The following NEK7 variants were observed in gnomAD, a reference collection of about 807,000 sequenced individuals.
NEK7 encodes the protein serine/threonine-protein kinase Nek7.
Under a neutral mutation model 44.6 loss-of-function variants are expected in NEK7, and 18 were observed. That is an observed-to-expected ratio of 0.40 (90% CI 0.28 to 0.60). NEK7 has a LOEUF of 0.60. NEK7 is among the 20% of genes least tolerant of loss of function. The pLI is 0.38. For synonymous variants in NEK7, 130 were observed against 121.1 expected (o/e 1.07, Z -0.48); for missense variants, 256 against 366.5 (o/e 0.70, Z 2.46).
intron 1 of NEK7, among the ~76,000 whole-genome samples, chr1:198,189,109 A>G (rs571624166): frequency 7.4e-4 from 112 of 152,218 alleles, no homozygotes; most frequent in Non-Finnish European, 1.2e-3. Flanking sequence ...TAGGAAATAC[A>G]TTGGTGTTAA....
At chr1:198,211,828 G>A (rs185413669) in intron 1 of NEK7, among the ~76,000 whole-genome samples, 7 of 152,208 alleles carry the variant, frequency 4.6e-5, no homozygotes, top group Admixed American at 2.6e-4. Context: ...AAGCAACACC[G>A]GAACTTAACA....
intron 1 of NEK7, among the ~76,000 whole-genome samples, chr1:198,231,609 TAAAG>T (rs1219161291): frequency 1.3e-5 from 2 of 151,798 alleles, no homozygotes; most frequent in African/African-American, 2.4e-5. Flanking sequence ...GCATTAATCA[TAAAG>T]AAAAAGTTTA....
At chr1:198,312,634 T>C (rs1405775835) in intron 9 of NEK7, among the ~76,000 whole-genome samples, 3 of 151,866 alleles carry the variant, frequency 2.0e-5, no homozygotes. Flanking sequence ...TTCTTGTATG[T>C]TGTGTCTTTG....
chr1:198,301,516 T>C (rs1257221270), intron 9 of NEK7, among the ~76,000 whole-genome samples: 3 of 152,178 alleles, frequency 2.0e-5, no homozygotes, highest in East Asian at 3.9e-4. Flanking sequence ...CGCCACTGCG[T>C]TCCAGCCTGG....
intron 8 of NEK7, among the ~76,000 whole-genome samples, chr1:198,293,791 T>A (rs982933689): frequency 3.3e-5 from 5 of 151,916 alleles, no homozygotes; most frequent in Non-Finnish European, 5.9e-5. Context: ...TAATTAAAAA[T>A]TAGTCTATAT....
rs536565650 is a variant in NEK7, at chr1:198,287,185, G to A, written c.590-5760G>A. ...CATAATTAGGTGAAATTGTTTAAAAGCTAGAGAGGTTCTAGGCTGGGTGCG... is the reference window on the plus strand; with the variant it reads ...CATAATTAGGTGAAATTGTTTAAAAACTAGAGAGGTTCTAGGCTGGGTGCG... On this transcript the variant is annotated intron_variant, in intron 7 of 9. Coordinates refer to ENST00000367385, the MANE Select transcript of NEK7 (RefSeq NM_133494.3). 1.2e-4 allele frequency among the ~76,000 whole-genome samples: 18 copies of A among 152,226 alleles called. No individual in the cohort carries two copies. The East Asian group carries it at 3.1e-3, about 26-fold the overall frequency.
In NEK7 at chr1:198,247,715, T is replaced by G. The variant is rs1195278075; in HGVS notation, c.58-5325T>G. 1.1e-4 allele frequency among the ~76,000 whole-genome samples: 16 copies of G among 151,208 alleles called. 1 individual carries two copies. Among genetic ancestry groups the G allele is most frequent in the Admixed American group, 1.1e-3 (16 of 15,178 alleles). On this transcript the variant is annotated intron_variant, in intron 2 of 9. Coordinates refer to ENST00000367385, the MANE Select transcript of NEK7 (RefSeq NM_133494.3). ...CAATGTACAATAACAAATTATTGCT[T>G]CTTTTTTTTTTAAGAGAAAACATTG... is the stretch of plus-strand genomic sequence containing the variant.
chr1:198,201,585 G>C, intron 1 of NEK7, among the ~76,000 whole-genome samples: 1 of 152,182 alleles, frequency 6.6e-6, no homozygotes, highest in East Asian at 1.9e-4. Flanking sequence ...GCAAACTAAA[G>C]TGATTCAGTT....
chr1:198,297,333 T>C, intron 9 of NEK7, 93 bp downstream of exon 9: 1 of 1,492,612 alleles, frequency 6.7e-7, no homozygotes, highest in Non-Finnish European at 9.2e-7. Context: ...AAAATGAAAA[T>C]GAATGGTATA....
intron 2 of NEK7, among the ~76,000 whole-genome samples, chr1:198,235,877 G>A (rs954742677): frequency 9.9e-5 from 15 of 152,106 alleles, no homozygotes; most frequent in African/African-American, 3.4e-4. Context: ...ACTCAGATCT[G>A]TGGGTAGAAA....
rs1491504055 is a variant in NEK7 at position 198,209,072 on chromosome 1, C to CACAT, written c.-28-23481_-28-23480insACAT. ...ATATATATATATACACACACACATA[C>CACAT]GCACATATGTATATATACACACATA... is the stretch of plus-strand genomic sequence containing the variant. On this transcript the variant is annotated intron_variant, in intron 1 of 9. Transcript: ENST00000367385. 2.2e-3 allele frequency among the ~76,000 whole-genome samples: 212 copies of CACAT among 96,154 alleles called. 2 individuals carry two copies. Among genetic ancestry groups the CACAT allele is most frequent in the African/African-American group, 0.01 (195 of 19,220 alleles). The allele number at this position is 96,154 out of a possible 152,430, so 63.1% of individuals were successfully genotyped here.
At chr1:198,233,616 A>T (rs753551504) in intron 2 of NEK7, among the ~76,000 whole-genome samples, 2 of 152,108 alleles carry the variant, frequency 1.3e-5, no homozygotes, top group Non-Finnish European at 2.9e-5. Flanking sequence ...GGTTTGAGAG[A>T]CTTGGGGAAA....
chr1:198,313,344 A>G, intron 9 of NEK7, among the ~76,000 whole-genome samples: 1 of 150,862 alleles, frequency 6.6e-6, no homozygotes, highest in Admixed American at 6.6e-5. Flanking sequence ...TCTGCATGTG[A>G]GATGGGTTTC....
intron 8 of NEK7, among the ~76,000 whole-genome samples, chr1:198,293,858 C>T (rs1654631468): frequency 6.6e-6 from 1 of 151,678 alleles, no homozygotes; most frequent in Admixed American, 6.6e-5. Flanking sequence ...TTTCATATCC[C>T]TGTGTAGGAA....
Position 198,293,015 on chromosome 1 carries a change from G to T in NEK7, c.660G>T (p.Trp220Cys). Residue 220 changes from tryptophan (W) to cysteine (C), a missense_variant, in exon 8 of 10, where the codon TGG (tryptophan) becomes TGT (cysteine). Around this residue, in one of 3 missense-constraint regions of NEK7, gnomAD observed 102 missense variants for 205.2 expected, o/e 0.50. Transcript: ENST00000367385. ...GATACAACTTCAAATCTGACATCTG[G>T]TCTCTTGGCTGTCTACTATATGAGG... The part of the protein sequence containing the change: ...ENGYNFKSDI[W>C]SLGCLLYEMA... The T allele has an allele frequency of 6.3e-7, 1 of 1,585,350 alleles. No individual in the cohort carries two copies. The highest frequency in any genetic ancestry group is 8.7e-7 in the Non-Finnish European group (1 of 1,154,362).
chr1:198,164,716 A>T (rs1260044427), intron 1 of NEK7, among the ~76,000 whole-genome samples: 1 of 152,212 alleles, frequency 6.6e-6, no homozygotes. Context: ...CTCAATGTTG[A>T]TGGCTGCTAA....
chr1:198,230,864 A>G (rs1383285225), intron 1 of NEK7, among the ~76,000 whole-genome samples: 1 of 152,032 alleles, frequency 6.6e-6, no homozygotes, highest in Non-Finnish European at 1.5e-5. Context: ...ATCTGAAAAA[A>G]GATGTGAAAG....
chr1:198,249,046 C>T lies in NEK7; in HGVS notation c.58-3994C>T, dbSNP rs371936674. 2.4e-4 allele frequency among the ~76,000 whole-genome samples: 28 copies of T among 116,798 alleles called. No homozygotes were observed. In the East Asian group the frequency reaches 7.9e-3, roughly 33 times the overall value. 76.6% of individuals were successfully genotyped at this position (116,798 alleles called of 152,430 possible). A position where few individuals can be genotyped will look rare whatever the true frequency, so the allele number is the denominator to read the frequency against. ...CTAAAGCTATCCCTCCCCCCTCCCC[C>T]CACCCCACAACAGTCCCCAGAGTGT... On this transcript the variant is annotated intron_variant, in intron 2 of 9. Coordinates refer to ENST00000367385, the MANE Select transcript of NEK7 (RefSeq NM_133494.3).
At chr1:198,157,387 C>G (rs977552608) in intron 1 of NEK7, 111 bp downstream of exon 1, 2 of 152,396 alleles carry the variant, frequency 1.3e-5, no homozygotes, top group Admixed American at 1.3e-4. Context: ...GGGGCGGCCT[C>G]CGGGATACCC....
Sources: gnomAD v4.1 joint callset for allele counts (sites outside exome capture counted in the v4.1 genomes callset) on GRCh38, gnomAD v4.1.1 for gene constraint, gnomAD v4.1.1 regional missense constraint, MANE v1.5 for transcripts, NCBI Gene and HGNC (gene_info 2026-07-23, HGNC 2026-07-21) for gene names.